ATP2B2: variants seen among roughly 807,000 people sequenced by gnomAD.
The protein encoded by ATP2B2 is ATPase plasma membrane Ca2+ transporting 2.
ATP2B2 carries 15 observed loss-of-function variants against 120.0 expected under a neutral mutation model. The ratio of observed to expected loss-of-function variants is 0.12; its 90% confidence interval spans 0.08 to 0.19. The LOEUF is 0.19. ATP2B2 is among the 10% of genes least tolerant of loss of function. The probability of loss-of-function intolerance (pLI) is 1.00; values close to 1 mark genes in which losing one functional copy is unlikely to be tolerated. For synonymous variants in ATP2B2, 694 were observed against 700.3 expected, an observed-to-expected ratio of 0.99 and a Z score of 0.14; for missense variants, 1,045 against 1,719.8, an observed-to-expected ratio of 0.61 and a Z score of 6.94.
chr3:10,511,496 A>G (rs141418613), intron 3 of ATP2B2, among the ~76,000 whole-genome samples: 15 of 152,326 alleles, frequency 9.8e-5, no homozygotes, highest in Admixed American at 2.0e-4. Flanking sequence ...TGGTGTTTGC[A>G]TCTCTTTAGG....
intron 12 of ATP2B2, 21 bp downstream of exon 12, chr3:10,371,788 A>C (rs959023602): frequency 1.1e-5 from 17 of 1,613,982 alleles, no homozygotes; most frequent in African/African-American, 1.3e-5. Flanking sequence ...CAGGTGGTGG[A>C]TGTGCCTGGT....
intron 2 of ATP2B2, among the ~76,000 whole-genome samples, chr3:10,585,377 C>T (rs182967069): frequency 1.3e-5 from 2 of 151,454 alleles, no homozygotes; most frequent in East Asian, 2.0e-4. Flanking sequence ...CGCCTGTAGT[C>T]CCAGCTACTC....
At chr3:10,616,425 A>C (rs989618482) in intron 2 of ATP2B2, among the ~76,000 whole-genome samples, 1 of 152,144 alleles carries the variant, frequency 6.6e-6, no homozygotes, top group Non-Finnish European at 1.5e-5. Context: ...TTAAACTTCT[A>C]TCCTCTAGAA....
At chr3:10,631,586 G>A (rs1575577007) in intron 1 of ATP2B2, among the ~76,000 whole-genome samples, 1 of 152,182 alleles carries the variant, frequency 6.6e-6, no homozygotes, top group Admixed American at 6.5e-5. Context: ...GGAGATCTTT[G>A]CAAGGGGGCT....
chr3:10,526,101 T>C (rs941870398), intron 3 of ATP2B2, among the ~76,000 whole-genome samples: 1 of 152,236 alleles, frequency 6.6e-6, no homozygotes, highest in African/African-American at 2.4e-5. Flanking sequence ...ATGAGGATTA[T>C]TGTGTGTGTA....
chr3:10,464,851 C>G (rs2064666659), intron 1 of ATP2B2, among the ~76,000 whole-genome samples: 1 of 152,226 alleles, frequency 6.6e-6, no homozygotes, highest in African/African-American at 2.4e-5. Flanking sequence ...TGGAGGCCCT[C>G]AGGTGGAAGG....
At chr3:10,669,471 G>A (rs116018806) in intron 1 of ATP2B2, among the ~76,000 whole-genome samples, 6,746 of 151,860 alleles carry the variant, frequency 0.044, 166 homozygotes, top group East Asian at 0.08. Flanking sequence ...TGTGTTTGGG[G>A]CTCACCTCTC....
chr3:10,466,628 G>A (rs1411658808), intron 1 of ATP2B2, among the ~76,000 whole-genome samples: 2 of 152,180 alleles, frequency 1.3e-5, no homozygotes, highest in Non-Finnish European at 2.9e-5. Context: ...ACTGCCTCTG[G>A]AGCTGTCTGC....
At chr3:10,423,605 C>T (rs2063058675) in intron 2 of ATP2B2, among the ~76,000 whole-genome samples, 1 of 152,218 alleles carries the variant, frequency 6.6e-6, no homozygotes, top group South Asian at 2.1e-4. Flanking sequence ...AAATGGAGGC[C>T]AGAAAAGCCC....
At chr3:10,700,340 C>A (rs2071798869) in intron 1 of ATP2B2, among the ~76,000 whole-genome samples, 1 of 152,170 alleles carries the variant, frequency 6.6e-6, no homozygotes, top group South Asian at 2.1e-4. Flanking sequence ...CGCTTGTCTC[C>A]ACCCAAGCCA....
chr3:10,615,097 G>T (rs1174135713), intron 2 of ATP2B2, among the ~76,000 whole-genome samples: 1 of 152,178 alleles, frequency 6.6e-6, no homozygotes, highest in Non-Finnish European at 1.5e-5. Flanking sequence ...GGTGGGATCA[G>T]AGGCCAGAGG....
rs932296226 is a variant in ATP2B2, at chr3:10,359,950, A to G, written c.1833T>C (p.Thr611=). ...TFNSVRKSMS[T]VIKLPDESFR... Reference sequence around the variant, plus strand: ...AGCTCTCGTCGGGCAGCTTGATGACAGTGCTCATGGACTTGCGCACGGAGT... The same window carrying G: ...AGCTCTCGTCGGGCAGCTTGATGACGGTGCTCATGGACTTGCGCACGGAGT... The change falls in exon 13 of 23, where the codon ACT becomes ACC. Residue 611 remains threonine, a synonymous_variant. Transcript: ENST00000360273. The G allele has an allele frequency of 1.2e-6, 2 of 1,614,256 alleles. No homozygotes were observed. Among genetic ancestry groups the G allele is most frequent in the Non-Finnish European group, 1.7e-6 (2 of 1,180,044 alleles).
rs1410965690 is a variant in ATP2B2 at position 10,414,217 on chromosome 3, A to C, written c.200-3402T>G. 2.0e-5 allele frequency among the ~76,000 whole-genome samples: 3 copies of C among 152,114 alleles called. No individual in the cohort carries two copies. The East Asian group carries it at 5.8e-4, about 29-fold the overall frequency. On this transcript the variant is annotated intron_variant, in intron 2 of 22. Transcript: ENST00000360273. Reference sequence around the variant, plus strand: ...GCCTGATTGATTCCAAGAGAGGGGGAGTCTCTGAACCTTCTGAGTTCTGCG... The same window carrying C: ...GCCTGATTGATTCCAAGAGAGGGGGCGTCTCTGAACCTTCTGAGTTCTGCG...
intron 1 of ATP2B2, among the ~76,000 whole-genome samples, chr3:10,628,871 T>G (rs1191913229): frequency 1.3e-5 from 2 of 152,248 alleles, no homozygotes; most frequent in African/African-American, 4.8e-5. Context: ...TCCTGGGAAC[T>G]TCTGGTCACA....
intron 22 of ATP2B2, chr3:10,336,150 G>T: frequency 6.4e-7 from 1 of 1,550,646 alleles, no homozygotes. Flanking sequence ...GCAGGAGGAA[G>T]GCTGGTCGGA....
intron 8 of ATP2B2, among the ~76,000 whole-genome samples, chr3:10,381,697 A>T (rs2125548826): frequency 6.6e-6 from 1 of 152,252 alleles, no homozygotes; most frequent in South Asian, 2.1e-4. Flanking sequence ...GGATCTGGAG[A>T]TGGGCTGTAT....
intron 1 of ATP2B2, among the ~76,000 whole-genome samples, chr3:10,456,474 C>T (rs2125215845): frequency 6.6e-6 from 1 of 152,300 alleles, no homozygotes; most frequent in African/African-American, 2.4e-5. Context: ...TGACCCTCCC[C>T]AACATGGAGA....
chr3:10,631,431 G>A (rs958171371), intron 1 of ATP2B2, among the ~76,000 whole-genome samples: 1 of 152,208 alleles, frequency 6.6e-6, no homozygotes, highest in Admixed American at 6.5e-5. Context: ...GGCTCAAAGA[G>A]GTGACATGAC....
chr3:10,420,503 A>G (rs2125061436), intron 2 of ATP2B2, among the ~76,000 whole-genome samples: 1 of 152,194 alleles, frequency 6.6e-6, no homozygotes, highest in East Asian at 1.9e-4. Context: ...CTGGGGTTAC[A>G]GGTGCCTGCC....
Sources: gnomAD v4.1 joint callset for allele counts (sites outside exome capture counted in the v4.1 genomes callset) on GRCh38, gnomAD v4.1.1 for gene constraint, MANE v1.5 for transcripts, NCBI Gene and HGNC (gene_info 2026-07-23, HGNC 2026-07-21) for gene names.